The following ROBO2 variants were observed in gnomAD, a reference collection of about 807,000 sequenced individuals.
ROBO2 encodes the protein roundabout guidance receptor 2.
In ROBO2, 53 loss-of-function variants were observed where a neutral mutation model predicts 160.8. The observed-to-expected ratio is 0.33, with a 90% CI of 0.26 to 0.41. The LOEUF (loss-of-function observed/expected upper bound fraction) is 0.41. ROBO2 is among the 10% of genes least tolerant of loss of function. The pLI is 1.00. For synonymous variants in ROBO2, 664 were observed against 611.7 expected, an observed-to-expected ratio of 1.09 and a Z score of -1.26; for missense variants, 1,577 against 1,722.4, an observed-to-expected ratio of 0.92 and a Z score of 1.49.
intron 2 of ROBO2, among the ~76,000 whole-genome samples, chr3:76,537,040 G>A (rs111688282): frequency 6.6e-6 from 1 of 152,048 alleles, no homozygotes; most frequent in African/African-American, 2.4e-5. Context: ...GGGAGTGGAG[G>A]CTGAGGAAGA....
intron 2 of ROBO2, among the ~76,000 whole-genome samples, chr3:77,457,248 T>C (rs920684959): frequency 3.9e-5 from 6 of 152,136 alleles, no homozygotes; most frequent in Non-Finnish European, 8.8e-5. Flanking sequence ...TGATTTTGGG[T>C]TGTCAAGAAA....
chr3:76,491,598 T>A (rs975828676), intron 2 of ROBO2, among the ~76,000 whole-genome samples: 1 of 152,250 alleles, frequency 6.6e-6, no homozygotes, highest in African/African-American at 2.4e-5. Context: ...ATTCTACCTT[T>A]GTTTTGCCCT....
chr3:77,019,864 A>C (rs1040945201), intron 2 of ROBO2, among the ~76,000 whole-genome samples: 10 of 152,240 alleles, frequency 6.6e-5, no homozygotes, highest in African/African-American at 2.4e-4. Context: ...TCTTGAAGTT[A>C]AAACTTTGGA....
At chr3:77,122,739 G>A (rs2074901658) in intron 2 of ROBO2, among the ~76,000 whole-genome samples, 1 of 152,130 alleles carries the variant, frequency 6.6e-6, no homozygotes, top group Admixed American at 6.5e-5. Context: ...TGGTAATATT[G>A]TGAGCACTGA....
At chr3:76,944,907 T>C (rs540894021) in intron 2 of ROBO2, among the ~76,000 whole-genome samples, 1 of 151,922 alleles carries the variant, frequency 6.6e-6, no homozygotes, top group South Asian at 2.1e-4. Context: ...TTTTTTTTTT[T>C]AGACGGAGTC....
At chr3:76,647,373 G>A (rs1265426971) in intron 2 of ROBO2, among the ~76,000 whole-genome samples, 1 of 152,094 alleles carries the variant, frequency 6.6e-6, no homozygotes, top group East Asian at 1.9e-4. Flanking sequence ...GCCCCCTATC[G>A]GCAGAGCCTA....
At chr3:77,410,620 T>TCCTC (rs1560757888) in intron 2 of ROBO2, among the ~76,000 whole-genome samples, 58 of 18,324 alleles carry the variant, frequency 3.2e-3, no homozygotes, top group Admixed American at 7.0e-3. Flanking sequence ...TCCTCCTTCT[T>TCCTC]CTCCTCCTCT....
intron 2 of ROBO2, among the ~76,000 whole-genome samples, chr3:76,091,361 C>T (rs957203663): frequency 1.3e-5 from 2 of 152,016 alleles, no homozygotes; most frequent in African/African-American, 2.4e-5. Context: ...ATTAAGGAAT[C>T]GCAAATTGAA....
intron 2 of ROBO2, among the ~76,000 whole-genome samples, chr3:76,793,929 T>G (rs2063525700): frequency 6.6e-6 from 1 of 151,986 alleles, no homozygotes; most frequent in South Asian, 2.1e-4. Context: ...CCTATTTGAT[T>G]TTTTTGAAGA....
intron 2 of ROBO2, among the ~76,000 whole-genome samples, chr3:76,363,017 C>T (rs1297675311): frequency 6.6e-6 from 1 of 152,014 alleles, no homozygotes; most frequent in Non-Finnish European, 1.5e-5. Context: ...AGCCTGCCAT[C>T]TGAATAGAAA....
At chr3:75,983,124 T>G (rs994867131) in intron 2 of ROBO2, among the ~76,000 whole-genome samples, 1 of 151,366 alleles carries the variant, frequency 6.6e-6, no homozygotes, top group Non-Finnish European at 1.5e-5. Flanking sequence ...CAAGAAAGCT[T>G]AAGTGTACAG....
intron 2 of ROBO2, among the ~76,000 whole-genome samples, chr3:77,373,416 A>G (rs1008539047): frequency 2.0e-5 from 3 of 151,784 alleles, no homozygotes; most frequent in Non-Finnish European, 2.9e-5. Context: ...AAATAGTTCT[A>G]TGTAAATGTA....
intron 2 of ROBO2, among the ~76,000 whole-genome samples, chr3:76,458,790 G>A (rs1197164381): frequency 1.3e-5 from 2 of 152,140 alleles, no homozygotes; most frequent in East Asian, 3.9e-4. Context: ...AGAAGCAAAA[G>A]CGGAAACCCC....
At chr3:77,244,629 C>T (rs924158674) in intron 2 of ROBO2, among the ~76,000 whole-genome samples, 5 of 152,042 alleles carry the variant, frequency 3.3e-5, no homozygotes, top group Non-Finnish European at 5.9e-5. Context: ...CCTGTAATCC[C>T]AGCAGTTTGG....
chr3:76,773,636 CAAAG>C (rs1202788152), intron 2 of ROBO2, among the ~76,000 whole-genome samples: 9 of 150,414 alleles, frequency 6.0e-5, no homozygotes, highest in African/African-American at 9.7e-5. Flanking sequence ...AATACATTCT[CAAAG>C]AGAGAGACTA....
chr3:76,109,226 G>C (rs2070099767), intron 2 of ROBO2, among the ~76,000 whole-genome samples: 1 of 148,420 alleles, frequency 6.7e-6, no homozygotes, highest in East Asian at 1.9e-4. Flanking sequence ...CATTTTCCCA[G>C]ATGAAAATGC....
At chr3:76,374,868 G>T in intron 2 of ROBO2, among the ~76,000 whole-genome samples, 1 of 151,572 alleles carries the variant, frequency 6.6e-6, no homozygotes, top group South Asian at 2.1e-4. Flanking sequence ...TCTGAAATGG[G>T]CTCAACAAAA....
intron 7 of ROBO2, among the ~76,000 whole-genome samples, chr3:77,546,944 T>A (rs1374276711): frequency 6.6e-6 from 1 of 152,116 alleles, no homozygotes; most frequent in Non-Finnish European, 1.5e-5. Context: ...AATTAAAGCA[T>A]GCTTCCATTT....
At chr3:77,577,441 G>GCA in intron 14 of ROBO2, 49 bp from the exon 16 acceptor site, 1 of 1,612,032 alleles carries the variant, frequency 6.2e-7, no homozygotes, top group South Asian at 1.1e-5. Context: ...TAGCATGAAC[G>GCA]CACACCAAGG....
Sources: gnomAD v4.1 joint callset for allele counts (sites outside exome capture counted in the v4.1 genomes callset) on GRCh38, gnomAD v4.1.1 for gene constraint, MANE v1.5 for transcripts, NCBI Gene and HGNC (gene_info 2026-07-23, HGNC 2026-07-21) for gene names.